The following KLRB1 variants were observed in gnomAD, a reference collection of about 807,000 sequenced individuals.
KLRB1 encodes killer cell lectin like receptor B1.
In KLRB1, 27 loss-of-function variants were observed where a neutral mutation model predicts 33.5. The ratio of observed to expected loss-of-function variants is 0.81; its 90% confidence interval spans 0.59 to 1.11. The LOEUF (loss-of-function observed/expected upper bound fraction) is 1.11, where lower values mean the gene tolerates loss of function less well. Among genes scored for constraint, KLRB1 ranks in the 50% most tolerant of loss-of-function variants. The probability of loss-of-function intolerance (pLI) is 0.00; values close to 1 mark genes in which losing one functional copy is unlikely to be tolerated. For missense variants in KLRB1, 241 were observed against 254.1 expected (o/e 0.95, Z 0.35); for synonymous variants, 64 against 88.9 (o/e 0.72, Z 1.58).
intron 2 of KLRB1, among the ~76,000 whole-genome samples, chr12:9,600,702 G>T (rs1167747741): frequency 6.6e-6 from 1 of 152,078 alleles, no homozygotes; most frequent in Non-Finnish European, 1.5e-5. Flanking sequence ...AAGGCAGCAT[G>T]CTCCTTAAGA....
intron 1 of KLRB1, among the ~76,000 whole-genome samples, chr12:9,607,347 T>TCTTCCTTCCTTC (rs1555097782): frequency 5.3e-4 from 38 of 71,280 alleles, no homozygotes; most frequent in African/African-American, 1.6e-3. Context: ...TTTCTTTCTT[T>TCTTCCTTCCTTC]CTTTCTTCCT....
chr12:9,605,848 ATAAT>A (rs1188635530), intron 1 of KLRB1, among the ~76,000 whole-genome samples: 1 of 152,166 alleles, frequency 6.6e-6, no homozygotes, highest in African/African-American at 2.4e-5. Context: ...ATTTTATAGG[ATAAT>A]TATTACAATC....
chr12:9,601,719 A>G (rs1484767947), intron 1 of KLRB1, 120 bp from the exon 2 acceptor site: 2 of 659,520 alleles, frequency 3.0e-6, no homozygotes, highest in Non-Finnish European at 5.4e-6. Flanking sequence ...GGACAATTAG[A>G]TTCAGCTTGG....
chr12:9,607,415 T>TTCTTTCTTTCTTTCTTTTCTTTCTG (rs1555097888), intron 1 of KLRB1, among the ~76,000 whole-genome samples: 7 of 103,276 alleles, frequency 6.8e-5, no homozygotes, highest in African/African-American at 1.3e-4. Context: ...TTTTCTTTCT[T>TTCTTTCTTTCTTTCTTTTCTTTCTG]TCTTTCTTTC....
intron 1 of KLRB1, among the ~76,000 whole-genome samples, chr12:9,606,748 ATATATATATATAT>A (rs1864608013): frequency 2.6e-4 from 7 of 27,276 alleles, no homozygotes; most frequent in African/African-American, 6.4e-4. Context: ...ATATATATAT[ATATATATATATAT>A]TTTTTTTTTT....
At chr12:9,601,319 G>A (rs28642218) in intron 2 of KLRB1, among the ~76,000 whole-genome samples, 182 bp downstream of exon 2, 2 of 151,080 alleles carry the variant, frequency 1.3e-5, no homozygotes, top group South Asian at 2.1e-4. Context: ...CTGGTTCCCC[G>A]GGTCCCCTTA....
rs146851642 is a variant in KLRB1, at chr12:9,604,231, A to G, written c.86-2632T>C. On this transcript the variant is annotated intron_variant, in intron 1 of 5. Transcript: ENST00000229402. ...CGGCGGACGTTAGCTATCTGGAAATACCTACCTATGGCTGTTCTCCATTTG... is the reference window on the plus strand; with the variant it reads ...CGGCGGACGTTAGCTATCTGGAAATGCCTACCTATGGCTGTTCTCCATTTG... 1.8e-3 allele frequency among the ~76,000 whole-genome samples: 274 copies of G among 152,294 alleles called. 4 individuals are homozygous for G. Among genetic ancestry groups the G allele is most frequent in the Middle Eastern group, 3.4e-3 (1 of 294 alleles).
intron 5 of KLRB1, among the ~76,000 whole-genome samples, chr12:9,597,467 A>G (rs1864502653): frequency 6.6e-6 from 1 of 152,160 alleles, no homozygotes; most frequent in African/African-American, 2.4e-5. Context: ...ATCTTACACA[A>G]GACAAAAGCA....
chr12:9,600,164 TC>T (rs1392829167), intron 2 of KLRB1, among the ~76,000 whole-genome samples: 1 of 152,124 alleles, frequency 6.6e-6, no homozygotes, highest in Non-Finnish European at 1.5e-5. Flanking sequence ...TCAAAATGAG[TC>T]TAATTGTGCC....
chr12:9,606,689 A>G (rs1242571537), intron 1 of KLRB1, among the ~76,000 whole-genome samples: 3 of 75,208 alleles, frequency 4.0e-5, no homozygotes, highest in African/African-American at 8.8e-5. Flanking sequence ...TATGTATAAA[A>G]AGTATATATA....
At chr12:9,604,447 A>G (rs928841119) in intron 1 of KLRB1, among the ~76,000 whole-genome samples, 8 of 152,118 alleles carry the variant, frequency 5.3e-5, no homozygotes, top group Non-Finnish European at 7.3e-5. Context: ...CATGCTACAG[A>G]GTGACCATAG....
At chr12:9,607,339 T>TTCCTTCCTTCCTTCCTTC (rs1330109407) in intron 1 of KLRB1, among the ~76,000 whole-genome samples, 16 of 61,138 alleles carry the variant, frequency 2.6e-4, no homozygotes, top group Non-Finnish European at 4.1e-4. Context: ...TTCTTTCCTT[T>TTCCTTCCTTCCTTCCTTC]CTTTCTTTCT....
At chr12:9,601,652 A>C in intron 1 of KLRB1, 53 bp from the exon 2 acceptor site, 1 of 1,243,652 alleles carries the variant, frequency 8.0e-7, no homozygotes, top group Non-Finnish European at 1.2e-6. Context: ...GAAACAAAAA[A>C]CCTTGGTTAA....
chr12:9,600,169 T>C (rs1227624714), intron 2 of KLRB1, among the ~76,000 whole-genome samples: 2 of 152,200 alleles, frequency 1.3e-5, no homozygotes, highest in Non-Finnish European at 2.9e-5. Context: ...ATGAGTCTAA[T>C]TGTGCCTGTT....
intron 1 of KLRB1, 26 bp from the exon 2 acceptor site, chr12:9,601,625 A>C (rs1591656939): frequency 2.3e-6 from 3 of 1,308,636 alleles, no homozygotes; most frequent in East Asian, 2.4e-5. Context: ...GAAAAACACA[A>C]AAACAAACAA....
intron 1 of KLRB1, among the ~76,000 whole-genome samples, chr12:9,607,341 T>TTCCTGCC (rs1864623541): frequency 1.8e-5 from 1 of 54,638 alleles, no homozygotes; most frequent in Non-Finnish European, 4.2e-5. Context: ...CTTTCCTTTC[T>TTCCTGCC]TTCTTTCTTT....
chr12:9,600,531 C>T (rs1194577758), intron 2 of KLRB1, among the ~76,000 whole-genome samples: 1 of 152,144 alleles, frequency 6.6e-6, no homozygotes, highest in Non-Finnish European at 1.5e-5. Context: ...ACATAGGAGA[C>T]TCCTTTTTGT....
chr12:9,606,879 C>T (rs2120727421), intron 1 of KLRB1, among the ~76,000 whole-genome samples: 1 of 150,652 alleles, frequency 6.6e-6, no homozygotes, highest in South Asian at 2.1e-4. Flanking sequence ...ACCTCAGCCT[C>T]CCGAGTAGCT....
At chr12:9,596,775 A>G (rs139167751) in intron 5 of KLRB1, among the ~76,000 whole-genome samples, 1 of 152,336 alleles carries the variant, frequency 6.6e-6, no homozygotes, top group African/African-American at 2.4e-5. Flanking sequence ...GACCCCATTA[A>G]GAAACACACA....
Sources: gnomAD v4.1 joint callset for allele counts (sites outside exome capture counted in the v4.1 genomes callset) on GRCh38, gnomAD v4.1.1 for gene constraint, MANE v1.5 for transcripts, NCBI Gene and HGNC (gene_info 2026-07-23, HGNC 2026-07-21) for gene names.